Variants in KMT2E observed in about 807,000 individuals in gnomAD.
KMT2E encodes lysine methyltransferase 2E (inactive).
Under a neutral mutation model 184.6 loss-of-function variants are expected in KMT2E, and 30 were observed. That is an observed-to-expected ratio of 0.16 (90% CI 0.12 to 0.22). KMT2E has a LOEUF of 0.22. Ranked by LOEUF, KMT2E falls within the 10% of genes least tolerant of loss-of-function variation. The pLI, the probability that KMT2E is intolerant of heterozygous loss-of-function variation, is 1.00. For synonymous variants in KMT2E, 815 were observed against 776.5 expected, an observed-to-expected ratio of 1.05 and a Z score of -0.82; for missense variants, 2,023 against 2,237.4, an observed-to-expected ratio of 0.90 and a Z score of 1.93.
At chr7:105,023,985 AGAAAC>A (rs1795068396) in intron 1 of KMT2E, among the ~76,000 whole-genome samples, 1 of 152,208 alleles carries the variant, frequency 6.6e-6, no homozygotes, top group South Asian at 2.1e-4. Context: ...GTAAAGGAAA[AGAAAC>A]AGAAAAACAC....
At chr7:105,024,141 A>G (rs1795075987) in intron 1 of KMT2E, among the ~76,000 whole-genome samples, 1 of 152,216 alleles carries the variant, frequency 6.6e-6, no homozygotes, top group Admixed American at 6.5e-5. Context: ...AGACTTACAG[A>G]GTACATATTC....
chr7:105,106,638 C>G lies in KMT2E; in HGVS notation c.2713C>G (p.Pro905Ala), dbSNP rs371401904. The G allele has an allele frequency of 9.7e-5, 157 of 1,614,000 alleles. 1 individual carries two copies. Among genetic ancestry groups the G allele is most frequent in the Middle Eastern group, 1.6e-4 (1 of 6,084 alleles). The change falls in exon 20 of 27, where the codon CCT becomes GCT. Residue 905 changes from proline (P) to alanine (A), a missense_variant. Pro to Ala is a conservative substitution (Grantham distance 27). This residue lies in a region of KMT2E where 514 missense variants were observed against 621.8 expected (regional missense o/e 0.83). Transcript: ENST00000311117. ...TACACCAACTCACACCGATATTACT[C>G]CTATGGACCCATCTTTTGCCACGCC... ...YATPTHTDIT[P>A]MDPSFATPPR...
chr7:105,025,807 T>G (rs1795152984), intron 1 of KMT2E, among the ~76,000 whole-genome samples: 1 of 152,166 alleles, frequency 6.6e-6, no homozygotes, highest in Admixed American at 6.5e-5. Flanking sequence ...TAAAGGCAAA[T>G]TAATTGCTGA....
chr7:105,097,298 TTTCTC>T (rs1311086038), intron 15 of KMT2E, among the ~76,000 whole-genome samples: 4 of 152,252 alleles, frequency 2.6e-5, no homozygotes, highest in African/African-American at 7.2e-5. Flanking sequence ...AAGGTCCTGT[TTTCTC>T]TAATTGTAGA....
At chr7:105,024,501 T>C (rs1795091318) in intron 1 of KMT2E, among the ~76,000 whole-genome samples, 2 of 152,182 alleles carry the variant, frequency 1.3e-5, no homozygotes, top group South Asian at 2.1e-4. Context: ...GAGAACTCTT[T>C]GTTATTTTTT....
Position 105,076,078 on chromosome 7 carries a change from T to G in KMT2E, c.765T>G (p.Val255=). The G allele has an allele frequency of 6.3e-7, 1 of 1,592,274 alleles. No individual in the cohort carries two copies. The highest frequency in any genetic ancestry group is 8.6e-7 in the Non-Finnish European group (1 of 1,160,764). The change falls in exon 9 of 27, where the codon GTT becomes GTG. Residue 255 remains valine (V), a synonymous_variant. Coordinates refer to ENST00000311117, the MANE Select transcript of KMT2E (RefSeq NM_182931.3). ...FREGSRKSSR[V]KGSAPEIDPS... ...AAGGATCTAGGAAGTCATCAAGAGTTAAGGTAAATACATTAATTTTAAGGT... is the reference window on the plus strand; with the variant it reads ...AAGGATCTAGGAAGTCATCAAGAGTGAAGGTAAATACATTAATTTTAAGGT...
chr7:105,094,090 CA>C (rs1305774015), intron 15 of KMT2E, among the ~76,000 whole-genome samples: 2 of 152,102 alleles, frequency 1.3e-5, no homozygotes, highest in African/African-American at 4.8e-5. Flanking sequence ...GTCAAATAAG[CA>C]GAATGAAAAA....
intron 3 of KMT2E, among the ~76,000 whole-genome samples, chr7:105,046,022 T>G (rs1294673953): frequency 1.3e-5 from 2 of 152,162 alleles, no homozygotes; most frequent in Admixed American, 1.3e-4. Context: ...CTTTCACTGT[T>G]TTTGCATGCT....
At chr7:105,017,045 T>C (rs933162642) in intron 1 of KMT2E, among the ~76,000 whole-genome samples, 4 of 152,356 alleles carry the variant, frequency 2.6e-5, no homozygotes, top group African/African-American at 9.6e-5. Context: ...TATTTTGATC[T>C]GAGCAAGTAT....
intron 13 of KMT2E, among the ~76,000 whole-genome samples, chr7:105,087,490 C>T (rs1437961699): frequency 6.7e-6 from 1 of 149,530 alleles, no homozygotes; most frequent in African/African-American, 2.5e-5. Context: ...GTGGCGCGAT[C>T]TCGGCTCACT....
chr7:105,085,923 C>T (rs1375885689), intron 13 of KMT2E, among the ~76,000 whole-genome samples: 5 of 152,146 alleles, frequency 3.3e-5, no homozygotes, highest in Admixed American at 1.3e-4. Flanking sequence ...CCGCCCGCCT[C>T]GGCCTCCCAA....
intron 1 of KMT2E, among the ~76,000 whole-genome samples, chr7:105,037,432 G>T (rs1482458359): frequency 6.6e-6 from 1 of 151,846 alleles, no homozygotes; most frequent in Non-Finnish European, 1.5e-5. Context: ...GTGCAATCGT[G>T]GCTCACTGCA....
Position 105,109,082 on chromosome 7 carries a change from T to C in KMT2E, c.3609T>C (p.Asn1203=). The C allele has an allele frequency of 1.2e-6, 2 of 1,614,184 alleles. No homozygotes were observed. The highest frequency in any genetic ancestry group is 2.7e-5 in the African/African-American group (2 of 75,054). ...SNNGDGCASS[N]DNGEQVDHTA... is the part of the protein sequence containing the mutation. ...ATGGTGATGGCTGTGCCAGCAGTAA[T>C]GACAATGGGGAGCAGGTGGACCACA... The change falls in exon 23 of 27, where the codon AAT becomes AAC. Residue 1203 remains asparagine (N), a synonymous_variant. Coordinates refer to ENST00000311117, the MANE Select transcript of KMT2E (RefSeq NM_182931.3).
intron 26 of KMT2E, chr7:105,111,172 CTTAACCATCCAATTATCTAA>C: frequency 3.7e-6 from 1 of 272,532 alleles, no homozygotes; most frequent in Non-Finnish European, 6.8e-6. Flanking sequence ...TCATGAAATT[CTTAACCATCCAATTATCTAA>C]AAACAAAAGG....
intron 17 of KMT2E, chr7:105,103,271 G>A (rs562116188): frequency 2.2e-4 from 33 of 152,234 alleles, no homozygotes; most frequent in African/African-American, 7.9e-4. Flanking sequence ...CTGAGATGTA[G>A]GCTTCTACAT....
At chr7:105,090,313 G>T in intron 14 of KMT2E, 40 bp downstream of exon 14, 1 of 1,551,738 alleles carries the variant, frequency 6.4e-7, no homozygotes. Flanking sequence ...ATAAACAAAG[G>T]AAAATAATCT....
chr7:105,101,919 A>G lies in KMT2E; in HGVS notation c.1921A>G (p.Thr641Ala), dbSNP rs770912065. The G allele has an allele frequency of 1.9e-6, 3 of 1,611,814 alleles. No homozygotes were observed. The highest frequency in any genetic ancestry group is 2.5e-6 in the Non-Finnish European group (3 of 1,179,404). The stretch of plus-strand genomic sequence containing the variant: ...AAAAGAAGAAAATGCTAGCAAGCCA[A>G]CCCCTGCCAAAGTAAATAGAACTAA... ...QAKEENASKP[T>A]PAKVNRTKQR... The change falls in exon 17 of 27, where the codon ACC becomes GCC. Residue 641 changes from threonine (T) to alanine (A), a missense_variant. This residue lies in a region of KMT2E where 514 missense variants were observed against 621.8 expected (regional missense o/e 0.83). Coordinates refer to ENST00000311117, the MANE Select transcript of KMT2E (RefSeq NM_182931.3).
At chr7:105,086,741 T>A (rs1018140011) in intron 13 of KMT2E, among the ~76,000 whole-genome samples, 1 of 144,564 alleles carries the variant, frequency 6.9e-6, no homozygotes, top group Non-Finnish European at 1.5e-5. Context: ...TAAAAAAATA[T>A]ATAAATAAAA....
chr7:105,018,147 A>T (rs1377850948), intron 1 of KMT2E, among the ~76,000 whole-genome samples: 1 of 152,224 alleles, frequency 6.6e-6, no homozygotes, highest in Non-Finnish European at 1.5e-5. Flanking sequence ...CAATCTTCTA[A>T]AGAAACCTGT....
Sources: allele counts gnomAD v4.1 joint callset (sites outside exome capture counted in the v4.1 genomes callset), GRCh38; gene constraint gnomAD v4.1.1; regional missense constraint gnomAD v4.1.1; transcripts MANE v1.5; gene names NCBI Gene and HGNC (gene_info 2026-07-23, HGNC 2026-07-21).